The following CCR6 variants were observed in gnomAD, a reference collection of about 807,000 sequenced individuals.
CCR6 encodes C-C chemokine receptor type 6.
CCR6 carries 2 observed loss-of-function variants against 3.0 expected under a neutral mutation model. The observed-to-expected ratio is 0.66, with a 90% CI of 0.27 to 2.07. CCR6 has a LOEUF of 2.07. Among genes scored for constraint, CCR6 ranks in the 30% most tolerant of loss-of-function variants. CCR6 has a pLI of 0.14. For synonymous variants in CCR6, 193 were observed against 184.3 expected (o/e 1.05, Z -0.38); for missense variants, 322 against 462.8 (o/e 0.70, Z 2.79).
At position 167,136,217 on chromosome 6, in the gene CCR6, C is replaced by T; in HGVS notation, c.10-23C>T. ...TACTTGAACACTACACTGCAGCTAA[C>T]TCTATCTTTGTTTCCTTTCCAGGAA... On this transcript the variant is annotated intron_variant, in intron 2 of 2. Transcript: ENST00000341935. The surrounding 1 kb of genome is among the most constrained non-coding windows in gnomAD (Gnocchi z 4.6). 1 of 1,607,994 alleles carries T rather than the reference C, an allele frequency of 6.2e-7. No homozygotes were observed. The highest frequency in any genetic ancestry group is 8.5e-7 in the Non-Finnish European group (1 of 1,176,480).
chr6:167,118,930 G>A (rs770901576), upstream of CCR6, among the ~76,000 whole-genome samples: 29 of 152,142 alleles, frequency 1.9e-4, no homozygotes, highest in Non-Finnish European at 3.7e-4. Flanking sequence ...CAGGGCTGCC[G>A]CCAGGAGGAG....
chr6:167,137,369 C>A lies in CCR6; in HGVS notation c.*14C>A, dbSNP rs774136024. The A allele has an allele frequency of 3.1e-6, 5 of 1,593,130 alleles. No homozygotes were observed. The African/African-American group carries it at 4.1e-5, about 13-fold the overall frequency. ...TTCACTATGTGATAGAAAGCTGAGT[C>A]TCCCTAAGGCATGTGTGAAACATAC... On this transcript the variant is annotated 3_prime_UTR_variant, in exon 3 of 3. Transcript: ENST00000341935. This position sits in a 1 kb window ranked among gnomAD's most constrained non-coding sequence, Gnocchi z 4.6.
chr6:167,134,843 G>C (rs1173157617), intron 1 of CCR6: 1 of 152,270 alleles, frequency 6.6e-6, no homozygotes, highest in Non-Finnish European at 1.5e-5. Flanking sequence ...ACTGGGGGAC[G>C]TCCAGGGCGT....
At chr6:167,135,580 A>G (rs1781837447) in intron 1 of CCR6, among the ~76,000 whole-genome samples, 1 of 152,222 alleles carries the variant, frequency 6.6e-6, no homozygotes, top group Non-Finnish European at 1.5e-5. Flanking sequence ...TATGAATTAT[A>G]CATTTTCTAT....
At chr6:167,120,863 G>A (rs1004154040), upstream of CCR6, 1 of 152,216 alleles carries the variant, frequency 6.6e-6, no homozygotes, top group Non-Finnish European at 1.5e-5. Flanking sequence ...CTTTAATATA[G>A]GGGCATTTTT....
At chr6:167,134,664 C>T (rs1781822794) in intron 1 of CCR6, among the ~76,000 whole-genome samples, 1 of 152,188 alleles carries the variant, frequency 6.6e-6, no homozygotes, top group Non-Finnish European at 1.5e-5. Flanking sequence ...GCGAGGAGGG[C>T]AGTTCCACTT....
In CCR6 at chr6:167,136,011, G is replaced by C; in HGVS notation, c.-97-27G>C. On this transcript the variant is annotated intron_variant, in intron 1 of 2. Coordinates refer to ENST00000341935, the MANE Select transcript of CCR6 (RefSeq NM_031409.4). This position sits in a 1 kb window ranked among gnomAD's most constrained non-coding sequence, Gnocchi z 4.6. ...TCCAGGAATACCTGTGTTAACTGTA[G>C]TGCATTTTGCCTTCTTTCCTTCTTA... The C allele has an allele frequency of 6.9e-6, 7 of 1,012,442 alleles. No individual in the cohort carries two copies. Among genetic ancestry groups the C allele is most frequent in the Non-Finnish European group, 1.0e-5 (7 of 669,662 alleles). 62.7% of individuals were successfully genotyped at this position (1,012,442 alleles called of 1,614,324 possible).
chr6:167,129,610 A>T (rs1362109349), intron 1 of CCR6: 2 of 150,820 alleles, frequency 1.3e-5, no homozygotes, highest in Non-Finnish European at 2.9e-5. Flanking sequence ...TGCTTTTTTT[A>T]AAAAAGAGTA....
chr6:167,133,932 G>GTGTA lies in CCR6; in HGVS notation c.-97-2105_-97-2104insGTAT, dbSNP rs1183741225. 1.9e-3 allele frequency among the ~76,000 whole-genome samples: 209 copies of GTGTA among 110,386 alleles called. 8 individuals carry two copies. The highest frequency in any genetic ancestry group is 5.2e-3 in the Middle Eastern group (1 of 192). 72.4% of individuals were successfully genotyped at this position (110,386 alleles called of 152,430 possible). A position where few individuals can be genotyped will look rare whatever the true frequency, so the allele number is the denominator to read the frequency against. On this transcript the variant is annotated intron_variant, in intron 1 of 2. Coordinates refer to ENST00000341935, the MANE Select transcript of CCR6 (RefSeq NM_031409.4). The stretch of plus-strand genomic sequence containing the variant: ...ATACTATTATATATGATATATGTGT[G>GTGTA]TATATATATATATATATATATATAT...
chr6:167,128,510 A>C (rs761044905), intron 1 of CCR6, among the ~76,000 whole-genome samples: 7 of 152,208 alleles, frequency 4.6e-5, no homozygotes, highest in African/African-American at 9.7e-5. Flanking sequence ...TAAAATTCTT[A>C]AGATTTTTGC....
intron 1 of CCR6, among the ~76,000 whole-genome samples, chr6:167,128,357 T>C (rs1781703458): frequency 6.6e-6 from 1 of 152,228 alleles, no homozygotes; most frequent in Admixed American, 6.5e-5. Context: ...CTCCGCGCTC[T>C]ATCTATTATT....
intron 1 of CCR6, among the ~76,000 whole-genome samples, chr6:167,132,912 C>T (rs1305193452): frequency 8.5e-5 from 13 of 152,158 alleles, no homozygotes; most frequent in Admixed American, 8.5e-4. Context: ...TGTGTATTTG[C>T]CATCCATGTA....
intron 1 of CCR6, chr6:167,115,137 G>A (rs537248319): frequency 6.6e-6 from 1 of 152,336 alleles, no homozygotes; most frequent in East Asian, 1.9e-4. Flanking sequence ...CCAAGACAGC[G>A]GCGGGCTAAT....
upstream of CCR6, among the ~76,000 whole-genome samples, chr6:167,119,649 T>G (rs1276413351): frequency 6.6e-6 from 1 of 152,250 alleles, no homozygotes; most frequent in Non-Finnish European, 1.5e-5. Flanking sequence ...CCATTTGACA[T>G]CTTCGTAAAC....
intron 1 of CCR6, among the ~76,000 whole-genome samples, chr6:167,134,718 G>C (rs966811828): frequency 5.3e-5 from 8 of 152,190 alleles, no homozygotes; most frequent in Admixed American, 6.5e-5. Context: ...AGCTGCTCCC[G>C]CTTGGCATGG....
At chr6:167,126,374 G>A (rs1180969176) in intron 1 of CCR6, 1 of 152,256 alleles carries the variant, frequency 6.6e-6, no homozygotes, top group Non-Finnish European at 1.5e-5. Flanking sequence ...AATCAGACGT[G>A]AGGCCTGCAC....
At position 167,133,964 on chromosome 6, in the gene CCR6, A is replaced by ATATG. The variant is rs1554282324; in HGVS notation, c.-97-2071_-97-2070insGTAT. On this transcript the variant is annotated intron_variant, in intron 1 of 2. Coordinates refer to ENST00000341935, the MANE Select transcript of CCR6 (RefSeq NM_031409.4). ...TATATATATATATATATATATATAT[A>ATATG]TATATAGTTTTAACATCCAAATGGT... 1.5e-3 allele frequency among the ~76,000 whole-genome samples: 167 copies of ATATG among 111,822 alleles called. 3 individuals carry two copies. In the East Asian group the frequency reaches 0.021, roughly 14 times the overall value. The allele number at this position is 111,822 out of a possible 152,430, so 73.4% of individuals were successfully genotyped here.
chr6:167,132,969 G>A (rs1196779349), intron 1 of CCR6, among the ~76,000 whole-genome samples: 1 of 152,012 alleles, frequency 6.6e-6, no homozygotes, highest in Non-Finnish European at 1.5e-5. Context: ...GTTTCTTATT[G>A]TTTATGTTTT....
chr6:167,121,285 G>T (rs34591674), upstream of CCR6, among the ~76,000 whole-genome samples: 2 of 152,232 alleles, frequency 1.3e-5, no homozygotes, highest in Admixed American at 1.3e-4. Context: ...TGTTCAACAC[G>T]TTACATTTCT....
Sources: gnomAD v4.1 joint callset for allele counts (sites outside exome capture counted in the v4.1 genomes callset) on GRCh38, gnomAD v4.1.1 for gene constraint, Gnocchi (gnomAD v3.1) non-coding constraint, MANE v1.5 for transcripts, NCBI Gene and HGNC (gene_info 2026-07-23, HGNC 2026-07-21) for gene names.